Variants in HMGN5 observed in about 807,000 individuals in gnomAD.
HMGN5 encodes high mobility group nucleosome binding domain 5.
A neutral mutation model predicts 9.5 loss-of-function variants in HMGN5; 4 were observed. That is an observed-to-expected ratio of 0.42 (90% CI 0.21 to 0.96). The LOEUF is 0.96. Ranked by LOEUF, HMGN5 falls within the 40% of genes least tolerant of loss-of-function variation. The probability of loss-of-function intolerance (pLI) is 0.30; values close to 1 mark genes in which losing one functional copy is unlikely to be tolerated. For synonymous variants in HMGN5, 55 were observed against 57.1 expected (o/e 0.96, Z 0.16); for missense variants, 192 against 187.5 (o/e 1.02, Z -0.14).
chrX:81,147,221 A>C (rs1296797138), intron 1 of HMGN5, among the ~76,000 whole-genome samples: 1 of 111,838 alleles, frequency 8.9e-6, no homozygotes, highest in Non-Finnish European at 1.9e-5. Flanking sequence ...CAGTACCCTT[A>C]GTGAACATCA....
intron 1 of HMGN5, among the ~76,000 whole-genome samples, chrX:81,191,189 A>G (rs1170186855): frequency 9.0e-6 from 1 of 111,563 alleles, no homozygotes; most frequent in African/African-American, 3.3e-5. Context: ...TTTCTTTTGT[A>G]TTTTCTACAT....
At chrX:81,137,904 G>A (rs1229534729) in intron 1 of HMGN5, among the ~76,000 whole-genome samples, 2 of 111,245 alleles carry the variant, frequency 1.8e-5, no homozygotes, top group Non-Finnish European at 3.8e-5. Context: ...GGGTAATAAG[G>A]GAGGAATATG....
At chrX:81,150,891 G>C (rs2075359838) in intron 1 of HMGN5, among the ~76,000 whole-genome samples, 1 of 111,460 alleles carries the variant, frequency 9.0e-6, no homozygotes, top group Admixed American at 9.5e-5. Context: ...CAAATTCCTA[G>C]ACAAATACAA....
intron 1 of HMGN5, among the ~76,000 whole-genome samples, chrX:81,191,635 G>A (rs764729630): frequency 7.1e-5 from 8 of 111,957 alleles, no homozygotes; most frequent in African/African-American, 2.6e-4. Flanking sequence ...TGTGTATGCA[G>A]TCTTTTGACC....
At chrX:81,141,341 T>C (rs2075328896) in intron 1 of HMGN5, among the ~76,000 whole-genome samples, 1 of 111,126 alleles carries the variant, frequency 9.0e-6, no homozygotes, top group African/African-American at 3.3e-5. Context: ...GGAGTGGTTA[T>C]TGCAAGCTTT....
intron 1 of HMGN5, among the ~76,000 whole-genome samples, chrX:81,163,988 C>G (rs774069765): frequency 9.0e-6 from 1 of 111,520 alleles, no homozygotes; most frequent in East Asian, 2.8e-4. Flanking sequence ...CCACATAAAG[C>G]TCTGTAGTTT....
chrX:81,121,591 A>T lies in HMGN5; in HGVS notation c.-42T>A. ...AGGAGATCTTAGTCAGCAGAAAAAA[A>T]GCCGAAGGCAGTCACTGCCTGACTG... is the stretch of plus-strand genomic sequence containing the variant. On this transcript the variant is annotated 5_prime_UTR_variant, in exon 2 of 7. Coordinates refer to ENST00000358130, the MANE Select transcript of HMGN5 (RefSeq NM_030763.3). 9.1e-7 allele frequency: 1 copy of T among 1,094,848 alleles called. No individual in the cohort carries two copies. Among genetic ancestry groups the T allele is most frequent in the Non-Finnish European group, 1.2e-6 (1 of 814,183 alleles). The allele number at this position is 1,094,848 out of a possible 1,213,427, so 90.2% of individuals were successfully genotyped here.
intron 1 of HMGN5, among the ~76,000 whole-genome samples, chrX:81,194,558 T>C (rs1485028777): frequency 2.7e-5 from 3 of 112,074 alleles, no homozygotes; most frequent in African/African-American, 9.7e-5. Context: ...ATACTATTCC[T>C]CAGAAAATAA....
At chrX:81,120,272 G>T (rs2075265114) in intron 2 of HMGN5, among the ~76,000 whole-genome samples, 2 of 111,537 alleles carry the variant, frequency 1.8e-5, no homozygotes, top group South Asian at 3.8e-4. Flanking sequence ...TTGCATGCAA[G>T]AATTACAGCC....
At chrX:81,152,695 C>T (rs1299515525) in intron 1 of HMGN5, among the ~76,000 whole-genome samples, 12 of 110,351 alleles carry the variant, frequency 1.1e-4, no homozygotes, top group Non-Finnish European at 1.5e-4. Flanking sequence ...CACATGCACA[C>T]GTATGTTTAT....
intron 1 of HMGN5, among the ~76,000 whole-genome samples, chrX:81,191,146 A>C (rs1161270293): frequency 8.9e-6 from 1 of 112,239 alleles, no homozygotes; most frequent in African/African-American, 3.2e-5. Flanking sequence ...TATCTTGCTC[A>C]AACAATTTAT....
intron 1 of HMGN5, among the ~76,000 whole-genome samples, chrX:81,188,563 G>T (rs944046380): frequency 9.1e-6 from 1 of 109,510 alleles, no homozygotes; most frequent in East Asian, 2.9e-4. Context: ...TGCCATGTTC[G>T]TTTGCTGCTC....
chrX:81,126,208 A>G (rs766956198), intron 1 of HMGN5, among the ~76,000 whole-genome samples: 2 of 108,975 alleles, frequency 1.8e-5, no homozygotes, highest in East Asian at 5.7e-4. Flanking sequence ...TAAAAATTTT[A>G]TCTACGGTTG....
At chrX:81,197,174 T>A (rs1448497559) in intron 1 of HMGN5, among the ~76,000 whole-genome samples, 2 of 112,450 alleles carry the variant, frequency 1.8e-5, no homozygotes, top group Non-Finnish European at 1.9e-5. Flanking sequence ...TTTTAAAATT[T>A]AAAAAATTTT....
chrX:81,195,400 G>C (rs886504506), intron 1 of HMGN5: 13 of 110,919 alleles, frequency 1.2e-4, no homozygotes, highest in African/African-American at 4.3e-4. Context: ...TGATTAGATG[G>C]TACCCAGCCA....
chrX:81,173,470 A>ACCTTGTT (rs199738271), intron 1 of HMGN5, among the ~76,000 whole-genome samples: 2,544 of 111,480 alleles, frequency 0.023, 38 homozygotes, highest in Non-Finnish European at 0.038. Context: ...CTGAATAGAA[A>ACCTTGTT]CCTTGTTATG....
At position 81,151,263 on chromosome X, in the gene HMGN5, T is replaced by C. The variant is rs984207596; in HGVS notation, c.-123-29591A>G. ...GTCAAAGATCAGATAGTTGTAGATA[T>C]GCGACATTATTTCTGAGGGCTCTGT... On this transcript the variant is annotated intron_variant, in intron 1 of 6. Transcript: ENST00000358130. 5.4e-5 allele frequency among the ~76,000 whole-genome samples: 6 copies of C among 111,730 alleles called. No homozygotes were observed. The South Asian group carries it at 1.1e-3, about 21-fold the overall frequency.
chrX:81,128,801 A>T (rs975423835), intron 1 of HMGN5, among the ~76,000 whole-genome samples: 2 of 112,113 alleles, frequency 1.8e-5, no homozygotes, highest in Admixed American at 9.5e-5. Context: ...TAAATGTAGC[A>T]TTCTATTGTA....
intron 1 of HMGN5, among the ~76,000 whole-genome samples, chrX:81,132,828 A>C (rs1422719783): frequency 8.9e-6 from 1 of 111,933 alleles, no homozygotes; most frequent in East Asian, 2.8e-4. Flanking sequence ...TCCCAACAAA[A>C]GCAAAAATTG....
Sources: allele counts gnomAD v4.1 joint callset (sites outside exome capture counted in the v4.1 genomes callset), GRCh38; gene constraint gnomAD v4.1.1; transcripts MANE v1.5; gene names NCBI Gene and HGNC (gene_info 2026-07-23, HGNC 2026-07-21).